Variants in DBF4B observed in about 807,000 individuals in gnomAD.
DBF4B encodes protein DBF4 homolog B.
DBF4B carries 49 observed loss-of-function variants against 53.4 expected under a neutral mutation model. That is an observed-to-expected ratio of 0.92 (90% confidence interval 0.73 to 1.16). DBF4B has a LOEUF of 1.16. Ranked by LOEUF, DBF4B falls within the 50% of genes most tolerant of loss-of-function variation. DBF4B has a pLI of 0.00. For missense variants in DBF4B, 692 were observed against 775.0 expected (o/e 0.89, Z 1.27); for synonymous variants, 257 against 288.7 (o/e 0.89, Z 1.11).
rs756686125 is a variant in DBF4B at position 44,738,378 on chromosome 17, G to A, written c.668-1G>A. 1.1e-5 allele frequency: 17 copies of A among 1,613,356 alleles called. No homozygotes were observed. In the South Asian group the frequency reaches 1.2e-4, roughly 11 times the overall value. On this transcript the variant is annotated splice_acceptor_variant, in intron 8 of 13. Transcript: ENST00000315005. LOFTEE classifies it high-confidence loss of function. ...TGATGTGTGCATTCTTCCCCTTTCA[G>A]TGGCCAGACTGAAGGCCCCGTTCCT...
intron 10 of DBF4B, among the ~76,000 whole-genome samples, chr17:44,742,727 G>A (rs981270580): frequency 1.8e-4 from 28 of 152,166 alleles, no homozygotes; most frequent in East Asian, 7.7e-4. Context: ...ACTAAGGGGC[G>A]GGGCGGGGGA....
chr17:44,734,482 C>G (rs1385144176), intron 7 of DBF4B, among the ~76,000 whole-genome samples: 2 of 152,224 alleles, frequency 1.3e-5, no homozygotes, highest in Non-Finnish European at 2.9e-5. Flanking sequence ...ATGGCACTGA[C>G]CAGGCTGCTA....
At chr17:44,726,565 G>A (rs933163201) in intron 3 of DBF4B, among the ~76,000 whole-genome samples, 7 of 151,754 alleles carry the variant, frequency 4.6e-5, no homozygotes, top group South Asian at 2.1e-4. Context: ...TCCAGCTGGC[G>A]TTAGTACATT....
chr17:44,712,301 C>CTTTTT lies in DBF4B; in HGVS notation c.82+2954_82+2958dup, dbSNP rs1163777667. ...TGTTTTCCATTTTGAATTATGTCTT[C>CTTTTT]TTTTTTTTTTTTTTTTTTTTTTTGA... On this transcript the variant is annotated intron_variant, in intron 2 of 13. Coordinates refer to ENST00000315005, the MANE Select transcript of DBF4B (RefSeq NM_145663.3). Among the ~76,000 whole-genome samples the CTTTTT allele has an allele frequency of 4.3e-3, 306 of 71,940 alleles. 3 individuals are homozygous for CTTTTT. The highest frequency in any genetic ancestry group is 0.014 in the Middle Eastern group (1 of 72). 47.2% of individuals were successfully genotyped at this position (71,940 alleles called of 152,430 possible).
intron 2 of DBF4B, among the ~76,000 whole-genome samples, chr17:44,721,708 C>T (rs1175437220): frequency 6.6e-6 from 1 of 151,668 alleles, no homozygotes; most frequent in East Asian, 1.9e-4. Context: ...CTCATGTTTT[C>T]TTATACACAA....
chr17:44,730,199 T>A, intron 4 of DBF4B, 103 bp downstream of exon 4: 1 of 1,251,662 alleles, frequency 8.0e-7, no homozygotes, highest in Non-Finnish European at 1.1e-6. Flanking sequence ...TGGATTAATT[T>A]AATCTCTCAT....
chr17:44,716,380 T>C (rs77420430), intron 2 of DBF4B, among the ~76,000 whole-genome samples: 7,913 of 152,180 alleles, frequency 0.052, 264 homozygotes, highest in Non-Finnish European at 0.078. Context: ...GGGAGCTCAC[T>C]GGGGCAACAG....
At position 44,718,124 on chromosome 17, in the gene DBF4B, T is replaced by A. The variant is rs947691574; in HGVS notation, c.83-4756T>A. On this transcript the variant is annotated intron_variant, in intron 2 of 13. Coordinates refer to ENST00000315005, the MANE Select transcript of DBF4B (RefSeq NM_145663.3). ...TTTACCAATTATCCCCCAATGTTCT[T>A]GTCCTGGTTTAAGATTACATGTTGC... is the stretch of plus-strand genomic sequence containing the variant. Among the ~76,000 whole-genome samples the A allele has an allele frequency of 7.9e-5, 12 of 152,008 alleles. No homozygotes were observed. The South Asian group carries it at 2.5e-3, about 32-fold the overall frequency.
At chr17:44,711,715 G>A (rs940084753) in intron 2 of DBF4B, among the ~76,000 whole-genome samples, 8 of 152,080 alleles carry the variant, frequency 5.3e-5, no homozygotes, top group Non-Finnish European at 1.0e-4. Context: ...TTGGGAGGCC[G>A]AGGCAGGGGG....
intron 2 of DBF4B, among the ~76,000 whole-genome samples, chr17:44,710,714 C>G (rs987449981): frequency 1.3e-5 from 2 of 151,838 alleles, no homozygotes; most frequent in African/African-American, 2.4e-5. Flanking sequence ...TGCAGGCACT[C>G]AACACCACGC....
rs68091397 is a variant in DBF4B, at chr17:44,725,684, C to CTTTTTTTTT, written c.225+2674_225+2682dup. On this transcript the variant is annotated intron_variant, in intron 3 of 13. Coordinates refer to ENST00000315005, the MANE Select transcript of DBF4B (RefSeq NM_145663.3). Reference sequence around the variant, plus strand: ...ATCCTGCCTTTGTTTTTTTGTGCTTCTTTTTTTTTTTTTTTTTTTTAAGAG... The same window carrying CTTTTTTTTT: ...ATCCTGCCTTTGTTTTTTTGTGCTTCTTTTTTTTTTTTTTTTTTTTTTTTTTTTTAAGAG... 9.7e-4 allele frequency among the ~76,000 whole-genome samples: 85 copies of CTTTTTTTTT among 87,626 alleles called. 10 individuals are homozygous for CTTTTTTTTT. Among genetic ancestry groups the CTTTTTTTTT allele is most frequent in the African/African-American group, 2.0e-3 (42 of 20,850 alleles). The allele number at this position is 87,626 out of a possible 152,430, so 57.5% of individuals were successfully genotyped here.
chr17:44,714,669 G>A (rs1260572403), intron 2 of DBF4B, among the ~76,000 whole-genome samples: 1 of 151,714 alleles, frequency 6.6e-6, no homozygotes, highest in Non-Finnish European at 1.5e-5. Flanking sequence ...TGTGCATAGC[G>A]ATATATATTT....
At chr17:44,722,468 A>G (rs1364596492) in intron 2 of DBF4B, among the ~76,000 whole-genome samples, 2 of 152,160 alleles carry the variant, frequency 1.3e-5, no homozygotes, top group Non-Finnish European at 2.9e-5. Flanking sequence ...GGCACTGGCA[A>G]CAGGGCAGGC....
At chr17:44,716,501 T>G (rs1357350584) in intron 2 of DBF4B, among the ~76,000 whole-genome samples, 2 of 152,118 alleles carry the variant, frequency 1.3e-5, no homozygotes, top group Non-Finnish European at 2.9e-5. Flanking sequence ...GTCCAGGGAT[T>G]TTTTCAGCCC....
rs968485506 is a variant in DBF4B at position 44,749,420 on chromosome 17, C to T, written c.1189+955C>T. 1.2e-5 allele frequency: 16 copies of T among 1,289,310 alleles called. No homozygotes were observed. The African/African-American group carries it at 2.4e-4, about 20-fold the overall frequency. The allele number at this position is 1,289,310 out of a possible 1,614,324, so 79.9% of individuals were successfully genotyped here. ...TGCTGCACACCCGGCCAGGGCTGAC[C>T]AGGACGCAGGAGGGGCAGAACCCCA... On this transcript the variant is annotated intron_variant, in intron 13 of 13. Coordinates refer to ENST00000315005, the MANE Select transcript of DBF4B (RefSeq NM_145663.3). The surrounding 1 kb of genome is among the most constrained non-coding windows in gnomAD (Gnocchi z 4.4).
chr17:44,711,579 A>G (rs950237900), intron 2 of DBF4B, among the ~76,000 whole-genome samples: 1 of 152,036 alleles, frequency 6.6e-6, no homozygotes, highest in African/African-American at 2.4e-5. Context: ...TGGGAGGCCA[A>G]GGCAGGCGGA....
intron 4 of DBF4B, 56 bp downstream of exon 4, chr17:44,730,152 T>C: frequency 6.4e-7 from 1 of 1,564,958 alleles, no homozygotes; most frequent in South Asian, 1.2e-5. Flanking sequence ...TAGGCTTTGG[T>C]GAGCCTTTTA....
chr17:44,752,159 G>GA lies in DBF4B; in HGVS notation c.*911dup. 1.5e-6 allele frequency: 1 copy of GA among 648,804 alleles called. No individual in the cohort carries two copies. The highest frequency in any genetic ancestry group is 2.7e-6 in the Non-Finnish European group (1 of 376,190). The allele number at this position is 648,804 out of a possible 1,614,324, so 40.2% of individuals were successfully genotyped here. ...CTGCCTCCAACTCACTGTGACCTCA[G>GA]AAAAATGCCTTTATTACTCGGGCCT... On this transcript the variant is annotated 3_prime_UTR_variant, in exon 14 of 14. Transcript: ENST00000315005.
chr17:44,752,240 C>G lies in DBF4B; in HGVS notation c.*987C>G. The G allele has an allele frequency of 2.1e-6, 1 of 480,398 alleles. No homozygotes were observed. The highest frequency in any genetic ancestry group is 5.9e-4 in the Middle Eastern group (1 of 1,694). 29.8% of individuals were successfully genotyped at this position (480,398 alleles called of 1,614,324 possible). On this transcript the variant is annotated 3_prime_UTR_variant, in exon 14 of 14. Coordinates refer to ENST00000315005, the MANE Select transcript of DBF4B (RefSeq NM_145663.3). The stretch of plus-strand genomic sequence containing the variant: ...GATGAGATGATTTCAGGACCCTTTC[C>G]AATAATAAAATACTGTGACTGCCAG...
Sources: allele counts gnomAD v4.1 joint callset (sites outside exome capture counted in the v4.1 genomes callset), GRCh38; gene constraint gnomAD v4.1.1; non-coding constraint Gnocchi (gnomAD v3.1); transcripts MANE v1.5; gene names NCBI Gene and HGNC (gene_info 2026-07-23, HGNC 2026-07-21).